TAF2: variants seen among roughly 807,000 people sequenced by gnomAD.
TAF2 encodes the protein transcription initiation factor TFIID subunit 2.
Under a neutral mutation model 138.5 loss-of-function variants are expected in TAF2, and 61 were observed. The ratio of observed to expected loss-of-function variants is 0.44; its 90% CI spans 0.36 to 0.54. TAF2 has a LOEUF of 0.54. Among genes scored for constraint, TAF2 ranks in the 20% least tolerant of loss-of-function variants. The pLI is 0.00. For synonymous variants in TAF2, 475 were observed against 469.9 expected (o/e 1.01, Z -0.14); for missense variants, 1,090 against 1,427.9 (o/e 0.76, Z 3.81).
intron 23 of TAF2, chr8:119,744,977 C>T (rs894548432): frequency 4.4e-6 from 2 of 456,136 alleles, no homozygotes; most frequent in Admixed American, 2.3e-5. Context: ...ACTTCCTCTT[C>T]ACTCCCTGCT....
intron 3 of TAF2, among the ~76,000 whole-genome samples, chr8:119,810,394 A>G (rs1028744827): frequency 1.3e-5 from 2 of 152,222 alleles, no homozygotes. Flanking sequence ...TCCATTGACC[A>G]GCTGAAGGGC....
At chr8:119,825,229 T>C (rs935257244) in intron 2 of TAF2, among the ~76,000 whole-genome samples, 1 of 152,248 alleles carries the variant, frequency 6.6e-6, no homozygotes, top group Non-Finnish European at 1.5e-5. Flanking sequence ...CTTTAAGATT[T>C]GACTGCCCTG....
At chr8:119,803,768 G>T in intron 5 of TAF2, 110 bp downstream of exon 5, 2 of 1,089,762 alleles carry the variant, frequency 1.8e-6, no homozygotes, top group Non-Finnish European at 2.6e-6. Context: ...GTCTAAATTT[G>T]GAAGGGAATA....
At chr8:119,809,368 A>T (rs1382843251) in intron 3 of TAF2, among the ~76,000 whole-genome samples, 1 of 152,202 alleles carries the variant, frequency 6.6e-6, no homozygotes, top group Non-Finnish European at 1.5e-5. Context: ...GCCTTAAGGG[A>T]TGGTGTGGCT....
chr8:119,761,470 T>A (rs1350974279), intron 19 of TAF2: 1 of 152,148 alleles, frequency 6.6e-6, no homozygotes, highest in Non-Finnish European at 1.5e-5. Flanking sequence ...TTTGCAATGA[T>A]AAAAATTCAA....
intron 18 of TAF2, among the ~76,000 whole-genome samples, chr8:119,770,501 T>C (rs1821756413): frequency 1.3e-5 from 2 of 152,082 alleles, no homozygotes; most frequent in Admixed American, 6.5e-5. Context: ...AAACCAAGCT[T>C]CATAAATGAA....
chr8:119,792,435 G>GCCCC (rs1021195092), intron 10 of TAF2, among the ~76,000 whole-genome samples: 6 of 152,082 alleles, frequency 3.9e-5, no homozygotes, highest in African/African-American at 1.4e-4. Flanking sequence ...ACAGGCATGA[G>GCCCC]CCCCCGCGCT....
At chr8:119,801,771 A>T (rs774228757) in intron 6 of TAF2, 23 bp downstream of exon 6, 36 of 1,596,126 alleles carry the variant, frequency 2.3e-5, no homozygotes, top group Non-Finnish European at 2.9e-5. Context: ...GGAGGAGAGT[A>T]AGAGAGGAAA....
At chr8:119,791,636 A>G (rs546715948) in intron 10 of TAF2, 177 bp from the exon 11 acceptor site, 1 of 650,310 alleles carries the variant, frequency 1.5e-6, no homozygotes, top group East Asian at 3.0e-5. Context: ...ATGAAGTTTT[A>G]CTTAAGGACA....
At position 119,751,530 on chromosome 8, in the gene TAF2, G is replaced by T. The variant is rs933454241; in HGVS notation, c.2878+4476C>A. Reference sequence around the variant, plus strand: ...TGAACATTCTAGCATTCCAGACAGGGTTCATGACTCCTTTCTTTGGGTTCC... The same window carrying T: ...TGAACATTCTAGCATTCCAGACAGGTTTCATGACTCCTTTCTTTGGGTTCC... On this transcript the variant is annotated intron_variant, in intron 22 of 25. Transcript: ENST00000378164. Among the ~76,000 whole-genome samples the T allele has an allele frequency of 9.0e-4, 137 of 152,240 alleles. 1 individual carries two copies. Among genetic ancestry groups the T allele is most frequent in the African/African-American group, 3.1e-3 (128 of 41,550 alleles).
At chr8:119,810,368 T>A (rs1398370463) in intron 3 of TAF2, among the ~76,000 whole-genome samples, 1 of 152,222 alleles carries the variant, frequency 6.6e-6, no homozygotes, top group African/African-American at 2.4e-5. Flanking sequence ...TTGTATAGAC[T>A]GTACCAGTTT....
chr8:119,804,180 CTA>C (rs1824456862), intron 4 of TAF2, among the ~76,000 whole-genome samples, 161 bp from the exon 5 acceptor site: 1 of 152,178 alleles, frequency 6.6e-6, no homozygotes, highest in African/African-American at 2.4e-5. Context: ...ATATGTCTGC[CTA>C]TATTAACTCA....
At chr8:119,798,219 G>A (rs1369901832) in intron 6 of TAF2, among the ~76,000 whole-genome samples, 5 of 152,006 alleles carry the variant, frequency 3.3e-5, no homozygotes, top group South Asian at 2.1e-4. Flanking sequence ...AATAATGCAC[G>A]TTATAGTACT....
Position 119,818,433 on chromosome 8 carries a change from A to G in TAF2, c.299+913T>C, listed in dbSNP as rs541014713. On this transcript the variant is annotated intron_variant, in intron 3 of 25. Coordinates refer to ENST00000378164, the MANE Select transcript of TAF2 (RefSeq NM_003184.4). Reference sequence around the variant, plus strand: ...CCTACCCCAAAACACAAAGAATCACAGAAATGATATAACCCAATGTTATCA... The same window carrying G: ...CCTACCCCAAAACACAAAGAATCACGGAAATGATATAACCCAATGTTATCA... Among the ~76,000 whole-genome samples, 4 of 152,330 alleles carry G rather than the reference A, an allele frequency of 2.6e-5. No individual in the cohort carries two copies. In the South Asian group the frequency reaches 8.3e-4, roughly 32 times the overall value.
intron 16 of TAF2, among the ~76,000 whole-genome samples, chr8:119,781,497 G>A (rs1446252974): frequency 2.6e-5 from 4 of 152,050 alleles, no homozygotes; most frequent in South Asian, 2.1e-4. Flanking sequence ...GGCCAACATG[G>A]TGAAACCCCA....
chr8:119,803,184 G>A (rs1351856705), intron 5 of TAF2, among the ~76,000 whole-genome samples: 7 of 152,208 alleles, frequency 4.6e-5, no homozygotes, highest in Non-Finnish European at 4.4e-5. Flanking sequence ...AAGCAGGTGA[G>A]AGGAGGTCTC....
Position 119,793,387 on chromosome 8 carries a change from C to T in TAF2, c.1256G>A (p.Gly419Asp), listed in dbSNP as rs1823578573. 6.2e-6 allele frequency: 10 copies of T among 1,612,894 alleles called. No homozygotes were observed. The highest frequency in any genetic ancestry group is 8.5e-6 in the Non-Finnish European group (10 of 1,179,258). The change falls in exon 10 of 26, where the codon GGT becomes GAT. Residue 419 changes from glycine to aspartate, a missense_variant. Gly to Asp is a moderately conservative substitution (Grantham distance 94). Coordinates refer to ENST00000378164, the MANE Select transcript of TAF2 (RefSeq NM_003184.4). ...TGGVLLHPIF[G>D]GGKEKDNPAS... ...ATACTTATCCTTCTCTTTTCCTCCA[C>T]CAAATATGGGATGTAGTAAAACCCC...
At chr8:119,738,143 T>C (rs1430148216) in intron 25 of TAF2, among the ~76,000 whole-genome samples, 3 of 151,934 alleles carry the variant, frequency 2.0e-5, no homozygotes, top group African/African-American at 7.3e-5. Flanking sequence ...AGAGAATATA[T>C]GTTTATATAT....
chr8:119,815,088 C>A (rs1231145331), intron 3 of TAF2, among the ~76,000 whole-genome samples: 2 of 150,798 alleles, frequency 1.3e-5, no homozygotes, highest in Non-Finnish European at 3.0e-5. Flanking sequence ...TCGAGACTAA[C>A]CTGACCAATA....
Sources: gnomAD v4.1 joint callset for allele counts (sites outside exome capture counted in the v4.1 genomes callset) on GRCh38, gnomAD v4.1.1 for gene constraint, MANE v1.5 for transcripts, NCBI Gene and HGNC (gene_info 2026-07-23, HGNC 2026-07-21) for gene names.